Variants in ARHGEF7 observed in about 807,000 individuals in gnomAD.
ARHGEF7 encodes Rho guanine nucleotide exchange factor 7, also known as PAK-interacting exchange factor beta.
In ARHGEF7, 33 loss-of-function variants were observed where a neutral mutation model predicts 109.8. The ratio of observed to expected loss-of-function variants is 0.30; its 90% confidence interval spans 0.23 to 0.40. The LOEUF (loss-of-function observed/expected upper bound fraction) is 0.40. Ranked by LOEUF, ARHGEF7 falls within the 10% of genes least tolerant of loss-of-function variation. The pLI is 1.00. For missense variants in ARHGEF7, 938 were observed against 1,098.5 expected (o/e 0.85, Z 2.07); for synonymous variants, 458 against 424.6 (o/e 1.08, Z -0.97).
chr13:111,213,791 A>G (rs1281305569), intron 4 of ARHGEF7, among the ~76,000 whole-genome samples: 1 of 152,152 alleles, frequency 6.6e-6, no homozygotes, highest in East Asian at 1.9e-4. Context: ...TTCCTGTAAC[A>G]CTACTGACAG....
At chr13:111,299,662 C>T (rs1013741401) in intron 19 of ARHGEF7, among the ~76,000 whole-genome samples, 1 of 152,094 alleles carries the variant, frequency 6.6e-6, no homozygotes, top group African/African-American at 2.4e-5. Flanking sequence ...TTTAAAATCC[C>T]GTCTTCATAA....
At chr13:111,179,243 T>C (rs1366081931) in intron 2 of ARHGEF7, among the ~76,000 whole-genome samples, 1 of 152,124 alleles carries the variant, frequency 6.6e-6, no homozygotes, top group Non-Finnish European at 1.5e-5. Context: ...CACTCCCAGC[T>C]ACTTTTTTTT....
At position 111,272,089 on chromosome 13, in the gene ARHGEF7, CTG is replaced by C. The variant is rs2153593279; in HGVS notation, c.1074-1723_1074-1722del. On this transcript the variant is annotated intron_variant, in intron 9 of 21. Transcript: ENST00000646102. The surrounding 1 kb of genome is among the most constrained non-coding windows in gnomAD (Gnocchi z 5.2). ...AAGTGGAAGGCTGGTTTCCTAATGA[CTG>C]TTTGGTTTTCAGCATGGTGTTTGAA... Among the ~76,000 whole-genome samples the C allele has an allele frequency of 6.6e-6, 1 of 152,298 alleles. No individual in the cohort carries two copies. The highest frequency in any genetic ancestry group is 6.5e-5 in the Admixed American group (1 of 15,294).
At chr13:111,222,799 A>G (rs2084639310) in intron 5 of ARHGEF7, among the ~76,000 whole-genome samples, 1 of 152,228 alleles carries the variant, frequency 6.6e-6, no homozygotes, top group Non-Finnish European at 1.5e-5. Flanking sequence ...ACTCTAGAGC[A>G]GTTAAGAATA....
intron 18 of ARHGEF7, among the ~76,000 whole-genome samples, chr13:111,289,770 C>T (rs899607279): frequency 7.3e-5 from 11 of 149,750 alleles, no homozygotes; most frequent in South Asian, 4.3e-4. Flanking sequence ...AAATCCTTCA[C>T]GGAATCTCGA....
chr13:111,146,006 A>C (rs2075572819), intron 1 of ARHGEF7, among the ~76,000 whole-genome samples: 2 of 152,218 alleles, frequency 1.3e-5, no homozygotes, highest in Non-Finnish European at 2.9e-5. Flanking sequence ...AACATGAGAC[A>C]TCGGTGGGCC....
chr13:111,230,050 A>G (rs1436265801), intron 5 of ARHGEF7, among the ~76,000 whole-genome samples: 2 of 152,102 alleles, frequency 1.3e-5, no homozygotes, highest in East Asian at 3.9e-4. Context: ...GAGCCTGGAG[A>G]CAGGTGTGTC....
intron 8 of ARHGEF7, among the ~76,000 whole-genome samples, chr13:111,260,480 CA>C (rs550426938): frequency 0.017 from 2,548 of 152,264 alleles, 40 homozygotes; most frequent in Middle Eastern, 0.075. Context: ...TTGCTGAAAG[CA>C]AAAACCTTTT....
chr13:111,221,523 C>CTATATATATCTATATATATAGATATA lies in ARHGEF7; in HGVS notation c.670+3661_670+3662insTAGATATATATATATATCTATATATA, dbSNP rs2084286902. On this transcript the variant is annotated intron_variant, in intron 5 of 21. Coordinates refer to ENST00000646102, the MANE Select transcript of ARHGEF7 (RefSeq NM_001354046.2). ...TATATCTATATATATAGATATATATCTATATATATCTATATATAGATACAT... is the reference window on the plus strand; with the variant it reads ...TATATCTATATATATAGATATATATCTATATATATCTATATATATAGATATATATATATATCTATATATAGATACAT... Among the ~76,000 whole-genome samples the CTATATATATCTATATATATAGATATA allele has an allele frequency of 9.3e-5, 3 of 32,296 alleles. 1 individual carries two copies. Among genetic ancestry groups the CTATATATATCTATATATATAGATATA allele is most frequent in the South Asian group, 3.3e-3 (2 of 614 alleles). The allele number at this position is 32,296 out of a possible 152,430, so 21.2% of individuals were successfully genotyped here. A position where few individuals can be genotyped will look rare whatever the true frequency, so the allele number is the denominator to read the frequency against.
Position 111,131,629 on chromosome 13 carries a change from A to G in ARHGEF7, c.165+15938A>G, listed in dbSNP as rs992813025. On this transcript the variant is annotated intron_variant, in intron 1 of 21. Coordinates refer to ENST00000646102, the MANE Select transcript of ARHGEF7 (RefSeq NM_001354046.2). The surrounding 1 kb of genome is among the most constrained non-coding windows in gnomAD (Gnocchi z 4.4). ...AACCAGGTGGTGCTGATGAGCCTGA[A>G]GAGAGAAACTAAGGCAGGGTGGTCA... Among the ~76,000 whole-genome samples the G allele has an allele frequency of 1.3e-5, 2 of 152,190 alleles. No individual in the cohort carries two copies. Among genetic ancestry groups the G allele is most frequent in the African/African-American group, 4.8e-5 (2 of 41,442 alleles).
At chr13:111,284,684 G>A (rs1043415693) in intron 16 of ARHGEF7, among the ~76,000 whole-genome samples, 1 of 152,218 alleles carries the variant, frequency 6.6e-6, no homozygotes, top group Admixed American at 6.5e-5. Context: ...TGGGAGAGAA[G>A]GGCTCACACC....
chr13:111,142,019 T>C (rs529666386), intron 1 of ARHGEF7, among the ~76,000 whole-genome samples: 2 of 152,374 alleles, frequency 1.3e-5, no homozygotes, highest in South Asian at 4.1e-4. Flanking sequence ...TTTTGGCCAT[T>C]CTAATAGGTA....
chr13:111,222,927 C>G (rs1393422112), intron 5 of ARHGEF7, among the ~76,000 whole-genome samples: 1 of 152,246 alleles, frequency 6.6e-6, no homozygotes, highest in African/African-American at 2.4e-5. Flanking sequence ...GAGAACAATA[C>G]AGTAAGATAT....
intron 1 of ARHGEF7, among the ~76,000 whole-genome samples, chr13:111,146,732 C>T (rs907481550): frequency 6.6e-5 from 10 of 152,136 alleles, no homozygotes; most frequent in African/African-American, 2.4e-4. Flanking sequence ...AGTCGGCTCT[C>T]TGCTTTGGTT....
Position 111,205,392 on chromosome 13 carries a change from G to T in ARHGEF7, c.337+19G>T. On this transcript the variant is annotated intron_variant, in intron 3 of 21. Coordinates refer to ENST00000646102, the MANE Select transcript of ARHGEF7 (RefSeq NM_001354046.2). Reference sequence around the variant, plus strand: ...ACAGCAGGTAAGACTCTTTTTTATTGAACTCGAGGGGGTGGGAAGACATAC... The same window carrying T: ...ACAGCAGGTAAGACTCTTTTTTATTTAACTCGAGGGGGTGGGAAGACATAC... 1 of 1,541,354 alleles carries T rather than the reference G, an allele frequency of 6.5e-7. No homozygotes were observed. Among genetic ancestry groups the T allele is most frequent in the South Asian group, 1.2e-5 (1 of 81,240 alleles).
chr13:111,232,040 A>G (rs1225470279), intron 5 of ARHGEF7, among the ~76,000 whole-genome samples: 1 of 152,166 alleles, frequency 6.6e-6, no homozygotes, highest in Non-Finnish European at 1.5e-5. Context: ...TACAGAACCA[A>G]TGTTAGATGT....
intron 5 of ARHGEF7, among the ~76,000 whole-genome samples, chr13:111,220,069 C>G (rs1157856645): frequency 2.0e-5 from 3 of 152,334 alleles, no homozygotes; most frequent in Non-Finnish European, 4.4e-5. Flanking sequence ...TCCTGGAGAC[C>G]TAGGGCTAGG....
chr13:111,232,524 G>C (rs920041371), intron 5 of ARHGEF7, among the ~76,000 whole-genome samples: 2 of 152,192 alleles, frequency 1.3e-5, no homozygotes, highest in Admixed American at 1.3e-4. Flanking sequence ...TTCTTCGGCA[G>C]GTGTTTCTTC....
In ARHGEF7 at chr13:111,153,737, G is replaced by C. The variant is rs956895175; in HGVS notation, c.166-168G>C. On this transcript the variant is annotated intron_variant, in intron 1 of 21. Transcript: ENST00000646102. Reference sequence around the variant, plus strand: ...AGAAAAAAGGGTGAGGAGAAGCAGCGGCTGAGCGGGTTGGCATCTGGGGCA... The same window carrying C: ...AGAAAAAAGGGTGAGGAGAAGCAGCCGCTGAGCGGGTTGGCATCTGGGGCA... 2.4e-5 allele frequency: 32 copies of C among 1,337,134 alleles called. No homozygotes were observed. The African/African-American group carries it at 4.2e-4, about 18-fold the overall frequency. 82.8% of individuals were successfully genotyped at this position (1,337,134 alleles called of 1,614,324 possible).
Sources: allele counts gnomAD v4.1 joint callset (sites outside exome capture counted in the v4.1 genomes callset), GRCh38; gene constraint gnomAD v4.1.1; non-coding constraint Gnocchi (gnomAD v3.1); transcripts MANE v1.5; gene names NCBI Gene and HGNC (gene_info 2026-07-23, HGNC 2026-07-21).